ARL1: variants seen among roughly 807,000 people sequenced by gnomAD.
ARL1 encodes the protein ARF like GTPase 1.
ARL1 carries 17 observed loss-of-function variants against 30.1 expected under a neutral mutation model. The observed-to-expected ratio is 0.56, with a 90% CI of 0.39 to 0.85. The LOEUF (loss-of-function observed/expected upper bound fraction) is 0.85, where lower values mean the gene tolerates loss of function less well. ARL1 is among the 40% of genes least tolerant of loss of function. The pLI, the probability that ARL1 is intolerant of heterozygous loss-of-function variation, is 0.00. For synonymous variants in ARL1, 58 were observed against 71.7 expected (o/e 0.81, Z 0.97); for missense variants, 102 against 212.6 (o/e 0.48, Z 3.24).
intron 3 of ARL1, chr12:101,401,408 G>A: frequency 3.3e-6 from 1 of 300,190 alleles, no homozygotes; most frequent in Non-Finnish European, 6.1e-6. Context: ...AGGCTGAGGA[G>A]GGCAGATCAA....
intron 4 of ARL1, among the ~76,000 whole-genome samples, chr12:101,399,238 TGTAATCCCA>T (rs1269744719): frequency 6.6e-6 from 1 of 152,168 alleles, no homozygotes; most frequent in Non-Finnish European, 1.5e-5. Context: ...GGCTCATGCC[TGTAATCCCA>T]GTACTTTGGG....
rs140358442 is a variant in ARL1, at chr12:101,407,487, G to C, written c.4+155C>G. The C allele has an allele frequency of 8.0e-5, 77 of 960,666 alleles. No homozygotes were observed. In the East Asian group the frequency reaches 9.2e-4, roughly 12 times the overall value. 59.5% of individuals were successfully genotyped at this position (960,666 alleles called of 1,614,324 possible). ...GCGAGAGGCCGGATCCACCCCTACAGATGAAGATCCAAAGTGAGTCAAGTC... is the reference window on the plus strand; with the variant it reads ...GCGAGAGGCCGGATCCACCCCTACACATGAAGATCCAAAGTGAGTCAAGTC... On this transcript the variant is annotated intron_variant, in intron 1 of 5. Transcript: ENST00000261636.
At chr12:101,400,731 T>C (rs1156900855) in intron 4 of ARL1, among the ~76,000 whole-genome samples, 2 of 152,200 alleles carry the variant, frequency 1.3e-5, no homozygotes, top group African/African-American at 4.8e-5. Context: ...TGAACTTGAA[T>C]CCTTCTAAAA....
chr12:101,395,898 T>C (rs1871137522), intron 5 of ARL1, among the ~76,000 whole-genome samples: 1 of 152,222 alleles, frequency 6.6e-6, no homozygotes, highest in Non-Finnish European at 1.5e-5. Flanking sequence ...TCCAGGCTAC[T>C]ACTACTTCTG....
intron 4 of ARL1, among the ~76,000 whole-genome samples, chr12:101,397,230 C>T (rs1871175047): frequency 6.6e-6 from 1 of 152,138 alleles, no homozygotes; most frequent in African/African-American, 2.4e-5. Flanking sequence ...ATCTTCAATG[C>T]AGCCTTTGTA....
At chr12:101,407,806 G>C (rs997515385), upstream of ARL1, 4 of 986,884 alleles carry the variant, frequency 4.1e-6, no homozygotes, top group African/African-American at 3.2e-5. Context: ...CGCCGGGAAC[G>C]GTGGCCTGAG....
Position 101,401,730 on chromosome 12 carries a change from G to A in ARL1, c.225-557C>T, listed in dbSNP as rs146221114. ...AATGAATTCATTCAGACTTCAGGCT[G>A]ACAAAATTTATTTATAATCTATGAA... On this transcript the variant is annotated intron_variant, in intron 3 of 5. Coordinates refer to ENST00000261636, the MANE Select transcript of ARL1 (RefSeq NM_001177.6). Among the ~76,000 whole-genome samples, 1,087 of 150,808 alleles carry A rather than the reference G, an allele frequency of 7.2e-3. 16 individuals are homozygous for A. The South Asian group carries it at 0.075, about 10-fold the overall frequency.
At chr12:101,398,789 TTAACA>T (rs930485701) in intron 4 of ARL1, among the ~76,000 whole-genome samples, 3 of 152,148 alleles carry the variant, frequency 2.0e-5, no homozygotes, top group Admixed American at 6.5e-5. Flanking sequence ...TGGCCCATAC[TTAACA>T]TAACATGATA....
At chr12:101,406,522 A>G (rs946043184) in intron 1 of ARL1, among the ~76,000 whole-genome samples, 2 of 152,234 alleles carry the variant, frequency 1.3e-5, no homozygotes, top group African/African-American at 4.8e-5. Context: ...GCTCTATCCA[A>G]TGCATCACAA....
At chr12:101,406,032 G>T in intron 1 of ARL1, 51 bp from the exon 2 acceptor site, 1 of 1,438,104 alleles carries the variant, frequency 7.0e-7, no homozygotes, top group Non-Finnish European at 9.4e-7. Context: ...TGTGAACTAG[G>T]TATACAAAAC....
intron 1 of ARL1, chr12:101,407,343 G>C (rs1166563121): frequency 2.6e-6 from 1 of 378,294 alleles, no homozygotes. Flanking sequence ...CTGGGGATGA[G>C]GGAAAACTTC....
intron 1 of ARL1, 189 bp downstream of exon 1, chr12:101,407,453 G>C: frequency 2.8e-6 from 2 of 702,520 alleles, no homozygotes; most frequent in East Asian, 2.9e-5. Context: ...AGAGAGGACG[G>C]AGGAGAACGC....
chr12:101,399,509 T>TAAAA lies in ARL1; in HGVS notation c.336+1549_336+1552dup, dbSNP rs200979843. On this transcript the variant is annotated intron_variant, in intron 4 of 5. Coordinates refer to ENST00000261636, the MANE Select transcript of ARL1 (RefSeq NM_001177.6). ...CTGGGCGACAGAGCAAGACTCTGTC[T>TAAAA]AAAAAAAAAAAAAAAAAAAAAAAAA... Among the ~76,000 whole-genome samples the TAAAA allele has an allele frequency of 4.3e-4, 47 of 110,534 alleles. 1 individual carries two copies. Among genetic ancestry groups the TAAAA allele is most frequent in the African/African-American group, 7.6e-4 (17 of 22,330 alleles). 72.5% of individuals were successfully genotyped at this position (110,534 alleles called of 152,430 possible).
In ARL1 at chr12:101,394,361, G is replaced by A. The variant is rs1048104967; in HGVS notation, c.*1279C>T. 3 of 152,168 alleles carry A rather than the reference G, an allele frequency of 2.0e-5. No homozygotes were observed. Among genetic ancestry groups the A allele is most frequent in the African/African-American group, 7.2e-5 (3 of 41,432 alleles). The allele number at this position is 152,168 out of a possible 1,614,324, so 9.4% of individuals were successfully genotyped here. On this transcript the variant is annotated 3_prime_UTR_variant, in exon 6 of 6. Transcript: ENST00000261636. The stretch of plus-strand genomic sequence containing the variant: ...AACTTAAGTGAAAGAAATTCACCCT[G>A]TTTTTAGCAATTATGACGCACTATA...
rs1227558491 is a variant in ARL1, at chr12:101,397,496, CT to C, written c.337-920del. Among the ~76,000 whole-genome samples the C allele has an allele frequency of 2.3e-3, 333 of 144,842 alleles. 1 individual carries two copies. The highest frequency in any genetic ancestry group is 5.3e-3 in the African/African-American group (210 of 39,742). The stretch of plus-strand genomic sequence containing the variant: ...TAGGGGACAGAGGGAGACCCTGTCT[CT>C]TTTTTTTTTTTCTTTTTTTAAGACA... On this transcript the variant is annotated intron_variant, in intron 4 of 5. Coordinates refer to ENST00000261636, the MANE Select transcript of ARL1 (RefSeq NM_001177.6).
At position 101,395,605 on chromosome 12, in the gene ARL1, G is replaced by A. The variant is rs772593664; in HGVS notation, c.*35C>T. On this transcript the variant is annotated 3_prime_UTR_variant, in exon 6 of 6. Transcript: ENST00000261636. ...CTGTTTCCAAAGGGAGAGAGGTGAT[G>A]TAGTCTTCATTTCAGGGGAGAAGAA... The A allele has an allele frequency of 1.8e-5, 28 of 1,543,420 alleles. No individual in the cohort carries two copies. In the African/African-American group the frequency reaches 2.4e-4, roughly 13 times the overall value.
At chr12:101,398,880 T>A (rs1174330502) in intron 4 of ARL1, among the ~76,000 whole-genome samples, 1 of 152,176 alleles carries the variant, frequency 6.6e-6, no homozygotes, top group Non-Finnish European at 1.5e-5. Context: ...ACTTTATAAG[T>A]CAAATCCTAA....
chr12:101,396,967 A>T (rs965254457), intron 4 of ARL1, among the ~76,000 whole-genome samples: 1 of 152,218 alleles, frequency 6.6e-6, no homozygotes, highest in Admixed American at 6.5e-5. Context: ...TACACTATGG[A>T]TGCATGCACC....
At chr12:101,404,288 G>T (rs1871381035) in intron 2 of ARL1, among the ~76,000 whole-genome samples, 1 of 152,116 alleles carries the variant, frequency 6.6e-6, no homozygotes, top group South Asian at 2.1e-4. Context: ...GAGGTGGGAA[G>T]ATCGCTTGAG....
Sources: allele counts gnomAD v4.1 joint callset (sites outside exome capture counted in the v4.1 genomes callset), GRCh38; gene constraint gnomAD v4.1.1; transcripts MANE v1.5; gene names NCBI Gene and HGNC (gene_info 2026-07-23, HGNC 2026-07-21).